Variants in NLRP3 observed in about 807,000 individuals in gnomAD.
The protein encoded by NLRP3 is NLR family pyrin domain containing 3, also known as NACHT, LRR and PYD domains-containing protein 3.
NLRP3 carries 48 observed loss-of-function variants against 91.3 expected under a neutral mutation model. The ratio of observed to expected loss-of-function variants is 0.53; its 90% CI spans 0.42 to 0.67. The LOEUF (loss-of-function observed/expected upper bound fraction) is 0.67. NLRP3 is among the 30% of genes least tolerant of loss of function. The pLI, the probability that NLRP3 is intolerant of heterozygous loss-of-function variation, is 0.00. For synonymous variants in NLRP3, 561 were observed against 507.9 expected, an observed-to-expected ratio of 1.10 and a Z score of -1.41; for missense variants, 982 against 1,276.9, an observed-to-expected ratio of 0.77 and a Z score of 3.52.
At chr1:247,428,563 A>G (rs1663073273) in intron 4 of NLRP3, among the ~76,000 whole-genome samples, 1 of 152,210 alleles carries the variant, frequency 6.6e-6, no homozygotes, top group Admixed American at 6.5e-5. Flanking sequence ...CAGGAATTCA[A>G]GTCCTACCTG....
At position 247,444,770 on chromosome 1, in the gene NLRP3, T is replaced by A; in HGVS notation, c.2954T>A (p.Met985Lys). Residue 985 changes from methionine (M) to lysine (K), a missense_variant, in exon 9 of 10, where the codon ATG becomes AAG. By Grantham distance (95) the Met-to-Lys change is moderately conservative (BLOSUM62 -1). This residue lies in a region of NLRP3 where 373 missense variants were observed against 431.5 expected (regional missense o/e 0.86). Transcript: ENST00000336119. ...GNNDLGDLGV[M>K]MFCEVLKQQS... ...AATGACCTGGGCGACCTGGGGGTCA[T>A]GATGTTCTGTGAAGTGCTGAAACAG... The A allele has an allele frequency of 1.9e-6, 3 of 1,614,038 alleles. No homozygotes were observed. The highest frequency in any genetic ancestry group is 2.5e-6 in the Non-Finnish European group (3 of 1,179,996).
intron 6 of NLRP3, 53 bp from the exon 7 acceptor site, chr1:247,435,917 A>G (rs1663757792): frequency 1.9e-6 from 3 of 1,587,294 alleles, no homozygotes; most frequent in African/African-American, 2.7e-5. Flanking sequence ...TTCCTTGTCC[A>G]TGGTGGAGCG....
chr1:247,417,864 C>T (rs1662166737), intron 1 of NLRP3, among the ~76,000 whole-genome samples, 189 bp from the exon 2 acceptor site: 2 of 152,180 alleles, frequency 1.3e-5, no homozygotes, highest in Admixed American at 6.5e-5. Context: ...CCCTCCTCTG[C>T]AAGCTTTTAT....
chr1:247,422,157 T>C (rs1165381637), intron 2 of NLRP3, among the ~76,000 whole-genome samples: 1 of 152,106 alleles, frequency 6.6e-6, no homozygotes, highest in African/African-American at 2.4e-5. Context: ...GATGGGAGGA[T>C]TGCTTGAGCC....
intron 9 of NLRP3, 41 bp from the exon 10 acceptor site, chr1:247,448,364 A>T (rs202073308): frequency 7.6e-5 from 79 of 1,039,930 alleles, no homozygotes; most frequent in Middle Eastern, 2.0e-4. Flanking sequence ...TGACAGAGTT[A>T]TCTGAAGAGT....
At chr1:247,441,491 G>A (rs1028475000) in intron 7 of NLRP3, among the ~76,000 whole-genome samples, 1 of 152,106 alleles carries the variant, frequency 6.6e-6, no homozygotes, top group Non-Finnish European at 1.5e-5. Flanking sequence ...GGCCTCAAGT[G>A]GTCCTCCCAC....
intron 7 of NLRP3, among the ~76,000 whole-genome samples, chr1:247,440,635 G>C (rs1316715989): frequency 6.6e-6 from 1 of 152,042 alleles, no homozygotes; most frequent in Non-Finnish European, 1.5e-5. Flanking sequence ...ATGATGCTCA[G>C]GCTGAATTTG....
rs1572151908 is a variant in NLRP3, at chr1:247,418,851, T to C, written c.51T>C (p.Asp17=). ...KLARYLEDLE[D]VDLKKFKMHL... is the part of the protein sequence containing the mutation. ...CCAGGTACCTGGAGGACCTGGAGGATGTGGACTTGAAGAAATTTAAGATGC... is the reference window on the plus strand; with the variant it reads ...CCAGGTACCTGGAGGACCTGGAGGACGTGGACTTGAAGAAATTTAAGATGC... The change falls in exon 2 of 10, where the codon GAT becomes GAC. Residue 17 remains aspartate (D), a synonymous_variant. Transcript: ENST00000336119. 1 of 1,614,106 alleles carries C rather than the reference T, an allele frequency of 6.2e-7. No homozygotes were observed. The highest frequency in any genetic ancestry group is 1.7e-5 in the Admixed American group (1 of 60,016).
In NLRP3 at chr1:247,423,363, G is replaced by T. The variant is rs533932308; in HGVS notation, c.397+14G>T. On this transcript the variant is annotated intron_variant, in intron 3 of 9. Coordinates refer to ENST00000336119, the MANE Select transcript of NLRP3 (RefSeq NM_001243133.2). ...AAATGAAGAAAGGTAAGCGACTGGG[G>T]TGGTGCTTCTAGTTGAGTTTTAAGA... The T allele has an allele frequency of 3.7e-6, 6 of 1,613,810 alleles. No homozygotes were observed. The East Asian group carries it at 1.1e-4, about 30-fold the overall frequency.
chr1:247,433,569 C>T (rs1322744268), intron 5 of NLRP3, among the ~76,000 whole-genome samples: 1 of 152,058 alleles, frequency 6.6e-6, no homozygotes, highest in East Asian at 1.9e-4. Context: ...TCCCAATGTG[C>T]CTTGTGCTGT....
rs375452813 is a variant in NLRP3 at position 247,444,070 on chromosome 1, C to T, written c.2762C>T (p.Thr921Ile). Residue 921 changes from threonine to isoleucine, a missense_variant, in exon 8 of 10, where the codon ACT (threonine) becomes ATT (isoleucine). Physicochemically the swap from Thr to Ile is moderately conservative, Grantham distance 89. Around this residue, in one of 5 missense-constraint regions of NLRP3, gnomAD observed 373 missense variants for 431.5 expected, o/e 0.86. Transcript: ENST00000336119. Reference protein sequence around the residue: ...NLTHLYLRGNTLGDKGIKLLC... With the variant: ...NLTHLYLRGNILGDKGIKLLC... ...ACGCACCTTTACCTGCGAGGCAACA[C>T]TCTCGGAGACAAGGGGATCAAACTA... 24 of 1,614,166 alleles carry T rather than the reference C, an allele frequency of 1.5e-5. No individual in the cohort carries two copies. The highest frequency in any genetic ancestry group is 2.0e-5 in the Non-Finnish European group (24 of 1,180,014).
intron 5 of NLRP3, among the ~76,000 whole-genome samples, chr1:247,433,084 G>A (rs76351926): frequency 0.14 from 21,733 of 152,036 alleles, 1,560 homozygotes; most frequent in Middle Eastern, 0.18. Flanking sequence ...GCACATGCCT[G>A]TATTTGCAGC....
rs1001829153 is a variant in NLRP3, at chr1:247,425,993, A to G, written c.2150+394A>G. On this transcript the variant is annotated intron_variant, in intron 4 of 9. Transcript: ENST00000336119. This position sits in a 1 kb window ranked among gnomAD's most constrained non-coding sequence, Gnocchi z 4.1. ...GTCTGTGTCCCAGGAGCGAGGGGAC[A>G]GAGGGCCTCAGAGCTGGAGGCTGGG... 6.6e-6 allele frequency among the ~76,000 whole-genome samples: 1 copy of G among 152,190 alleles called. No individual in the cohort carries two copies.
intron 1 of NLRP3, among the ~76,000 whole-genome samples, chr1:247,416,487 A>T (rs1227250720): frequency 1.3e-5 from 2 of 152,172 alleles, no homozygotes; most frequent in Non-Finnish European, 2.9e-5. Context: ...AGGGGAGAAG[A>T]TGGATGGGAT....
At chr1:247,446,530 A>C (rs981644324) in intron 9 of NLRP3, among the ~76,000 whole-genome samples, 1 of 152,096 alleles carries the variant, frequency 6.6e-6, no homozygotes, top group African/African-American at 2.4e-5. Flanking sequence ...GAACACTGTC[A>C]TCTCTGGATT....
rs184042335 is a variant in NLRP3, at chr1:247,423,220, T to A, written c.278-10T>A. On this transcript the variant is annotated splice_polypyrimidine_tract_variant and intron_variant, in intron 2 of 9. Transcript: ENST00000336119. ...GTTCTGGGTTTTGACACCTTTTTTT[T>A]CCCTTTTAGGTTCAGATAATGCACG... The A allele has an allele frequency of 6.8e-6, 11 of 1,614,016 alleles. No individual in the cohort carries two copies. The East Asian group carries it at 2.0e-4, about 29-fold the overall frequency.
chr1:247,437,026 G>T (rs1395461167), intron 7 of NLRP3, among the ~76,000 whole-genome samples: 2 of 152,206 alleles, frequency 1.3e-5, no homozygotes, highest in East Asian at 3.9e-4. Context: ...TCAGAGAGAA[G>T]GTAGTGGAAC....
rs200345581 is a variant in NLRP3 at position 247,448,571 on chromosome 1, G to C, written c.*67G>C. The stretch of plus-strand genomic sequence containing the variant: ...CTCCAGCTGGGGGCCCTCAGGTGGA[G>C]AGAGCTGCGATCCATCCAGGCCAAG... On this transcript the variant is annotated 3_prime_UTR_variant, in exon 10 of 10. Coordinates refer to ENST00000336119, the MANE Select transcript of NLRP3 (RefSeq NM_001243133.2). 3 of 930,806 alleles carry C rather than the reference G, an allele frequency of 3.2e-6. No homozygotes were observed. Among genetic ancestry groups the C allele is most frequent in the South Asian group, 1.3e-5 (1 of 77,420 alleles). 57.7% of individuals were successfully genotyped at this position (930,806 alleles called of 1,614,324 possible).
At position 247,425,124 on chromosome 1, in the gene NLRP3, C is replaced by T. The variant is rs761820867; in HGVS notation, c.1675C>T (p.Leu559Phe). The change falls in exon 4 of 10, where the codon CTT becomes TTT. Residue 559 changes from leucine to phenylalanine, a missense_variant. Physicochemically the swap from Leu to Phe is conservative, Grantham distance 22. Around this residue, in one of 5 missense-constraint regions of NLRP3, gnomAD observed 548 missense variants for 713.7 expected, o/e 0.77. Coordinates refer to ENST00000336119, the MANE Select transcript of NLRP3 (RefSeq NM_001243133.2). The surrounding 1 kb of genome is among the most constrained non-coding windows in gnomAD (Gnocchi z 4.1). ...LKLPSRDVTV[L>F]LENYGKFEKG... ...GCTTCCCAGCCGAGACGTGACAGTCCTTCTGGAAAACTATGGCAAATTCGA... is the reference window on the plus strand; with the variant it reads ...GCTTCCCAGCCGAGACGTGACAGTCTTTCTGGAAAACTATGGCAAATTCGA... 8 of 1,614,092 alleles carry T rather than the reference C, an allele frequency of 5.0e-6. No individual in the cohort carries two copies. Among genetic ancestry groups the T allele is most frequent in the Non-Finnish European group, 5.9e-6 (7 of 1,180,000 alleles).
Sources: gnomAD v4.1 joint callset for allele counts (sites outside exome capture counted in the v4.1 genomes callset) on GRCh38, gnomAD v4.1.1 for gene constraint, gnomAD v4.1.1 regional missense constraint, Gnocchi (gnomAD v3.1) non-coding constraint, MANE v1.5 for transcripts, NCBI Gene and HGNC (gene_info 2026-07-23, HGNC 2026-07-21) for gene names.